Variants in CNTN2 observed in about 807,000 individuals in gnomAD.
CNTN2 encodes the protein contactin 2.
In CNTN2, 53 loss-of-function variants were observed where a neutral mutation model predicts 117.5. The observed-to-expected ratio is 0.45, with a 90% CI of 0.36 to 0.57. The LOEUF is 0.57. CNTN2 is among the 20% of genes least tolerant of loss of function. The pLI is 0.00. For synonymous variants in CNTN2, 530 were observed against 561.7 expected (o/e 0.94, Z 0.80); for missense variants, 1,106 against 1,404.3 (o/e 0.79, Z 3.39).
Position 205,065,999 on chromosome 1 carries a change from C to A in CNTN2, c.1816+90C>A. The A allele has an allele frequency of 6.8e-7, 1 of 1,468,926 alleles. No homozygotes were observed. Among genetic ancestry groups the A allele is most frequent in the Non-Finnish European group, 9.1e-7 (1 of 1,096,264 alleles). 91.0% of individuals were successfully genotyped at this position (1,468,926 alleles called of 1,614,324 possible). On this transcript the variant is annotated intron_variant, in intron 14 of 22. Coordinates refer to ENST00000331830, the MANE Select transcript of CNTN2 (RefSeq NM_005076.5). This position sits in a 1 kb window ranked among gnomAD's most constrained non-coding sequence, Gnocchi z 4.1. ...CTGCTCGCCTCATCTCCCCTCCCTT[C>A]CCTCAAAGCTGCGGGGAAGGGCTTC...
intron 1 of CNTN2, among the ~76,000 whole-genome samples, chr1:205,045,870 G>T (rs1428745305): frequency 6.6e-6 from 1 of 152,180 alleles, no homozygotes; most frequent in Non-Finnish European, 1.5e-5. Flanking sequence ...TCTGGTCCAA[G>T]GTTAGAGAGT....
In CNTN2 at chr1:205,073,552, T is replaced by G; in HGVS notation, c.3014-104T>G. On this transcript the variant is annotated intron_variant, in intron 22 of 22. Transcript: ENST00000331830. The surrounding 1 kb of genome is among the most constrained non-coding windows in gnomAD (Gnocchi z 6.3). ...CCACCCAGCCGTCCGCTCCCAGGCC[T>G]GCAGCTGGCCCTGTGAGTCTCCTTA... The G allele has an allele frequency of 9.6e-7, 1 of 1,043,358 alleles. No individual in the cohort carries two copies. 64.6% of individuals were successfully genotyped at this position (1,043,358 alleles called of 1,614,324 possible). A position where few individuals can be genotyped will look rare whatever the true frequency, so the allele number is the denominator to read the frequency against.
chr1:205,072,468 C>T lies in CNTN2; in HGVS notation c.2732-15C>T. 1 of 1,609,212 alleles carries T rather than the reference C, an allele frequency of 6.2e-7. No homozygotes were observed. Among genetic ancestry groups the T allele is most frequent in the Non-Finnish European group, 8.5e-7 (1 of 1,175,720 alleles). On this transcript the variant is annotated splice_polypyrimidine_tract_variant and intron_variant, in intron 20 of 22. Transcript: ENST00000331830. ...GAAACGTTTGGACATCTCTCCAATT[C>T]TTCCTCTCTGGCAGCTCCGCGGCGA...
rs1171708749 is a variant in CNTN2 at position 205,059,913 on chromosome 1, G to A, written c.797+231G>A. On this transcript the variant is annotated intron_variant, in intron 7 of 22. Coordinates refer to ENST00000331830, the MANE Select transcript of CNTN2 (RefSeq NM_005076.5). This position sits in a 1 kb window ranked among gnomAD's most constrained non-coding sequence, Gnocchi z 5.6. ...GCCAGGATCACTTGGTCTTCCAGCAGTGCATGGCAGGCTCAGACAGCTTGA... is the reference window on the plus strand; with the variant it reads ...GCCAGGATCACTTGGTCTTCCAGCAATGCATGGCAGGCTCAGACAGCTTGA... 1 of 550,826 alleles carries A rather than the reference G, an allele frequency of 1.8e-6. No individual in the cohort carries two copies. The highest frequency in any genetic ancestry group is 3.3e-6 in the Non-Finnish European group (1 of 305,092). The allele number at this position is 550,826 out of a possible 1,614,324, so 34.1% of individuals were successfully genotyped here. A position where few individuals can be genotyped will look rare whatever the true frequency, so the allele number is the denominator to read the frequency against.
Position 205,069,876 on chromosome 1 carries a change from C to A in CNTN2, c.2246C>A (p.Ser749Tyr). The change falls in exon 18 of 23, where the codon TCC becomes TAC. Residue 749 changes from serine to tyrosine, a missense_variant. By Grantham distance (144) the Ser-to-Tyr change is moderately radical. Transcript: ENST00000331830. ...GGAGACGGCTTCGGCTACCTGCTGT[C>A]CTTCCGCAGGCAGGGCAGCACTCAC... Reference protein sequence around the residue: ...QNGDGFGYLLSFRRQGSTHWQ... With the variant: ...QNGDGFGYLLYFRRQGSTHWQ... 6.2e-7 allele frequency: 1 copy of A among 1,613,860 alleles called. No homozygotes were observed. Among genetic ancestry groups the A allele is most frequent in the Admixed American group, 1.7e-5 (1 of 60,034 alleles).
intron 19 of CNTN2, among the ~76,000 whole-genome samples, chr1:205,071,434 T>C (rs753558299): frequency 2.5e-4 from 38 of 152,230 alleles, no homozygotes; most frequent in Non-Finnish European, 4.8e-4. Flanking sequence ...TTGAGTACAA[T>C]AGCTTAGGCA....
At chr1:205,049,772 C>T (rs539630976) in intron 1 of CNTN2, among the ~76,000 whole-genome samples, 15 of 152,348 alleles carry the variant, frequency 9.8e-5, no homozygotes, top group South Asian at 8.3e-4. Context: ...CCAGTGCCAA[C>T]GGGGTGATTT....
chr1:205,053,210 C>T lies in CNTN2; in HGVS notation c.25C>T (p.Pro9Ser), dbSNP rs748178567. MGTATRRK[P>S]HLLLVAAVAL... is the part of the protein sequence containing the mutation. The stretch of plus-strand genomic sequence containing the variant: ...CATGGGGACAGCCACCAGGAGGAAG[C>T]CACACCTGCTGCTGGTAGCTGCTGT... The change falls in exon 2 of 23, where the codon CCA (proline) becomes TCA (serine). Residue 9 changes from proline to serine, a missense_variant. By Grantham distance (74) the Pro-to-Ser change is moderately conservative. Transcript: ENST00000331830. 2 of 1,612,880 alleles carry T rather than the reference C, an allele frequency of 1.2e-6. No individual in the cohort carries two copies. The highest frequency in any genetic ancestry group is 1.3e-5 in the African/African-American group (1 of 74,922).
chr1:205,049,989 G>C (rs151171030), intron 1 of CNTN2, among the ~76,000 whole-genome samples: 76 of 151,488 alleles, frequency 5.0e-4, no homozygotes, highest in African/African-American at 1.7e-3. Context: ...CCACTGCAGG[G>C]CACTCTAGCA....
intron 2 of CNTN2, among the ~76,000 whole-genome samples, chr1:205,054,060 G>A (rs139679056): frequency 6.6e-6 from 1 of 152,320 alleles, no homozygotes; most frequent in East Asian, 1.9e-4. Context: ...CCTAGGGCAA[G>A]AGGGAGGTCC....
intron 1 of CNTN2, among the ~76,000 whole-genome samples, chr1:205,045,674 A>G (rs3753849): frequency 0.06 from 9,065 of 152,214 alleles, 382 homozygotes; most frequent in South Asian, 0.17. Flanking sequence ...CTAGGGCAGA[A>G]CCAGGGGGTT....
At position 205,069,653 on chromosome 1, in the gene CNTN2, C is replaced by T. The variant is rs1654482517; in HGVS notation, c.2196+92C>T. On this transcript the variant is annotated intron_variant, in intron 17 of 22. Coordinates refer to ENST00000331830, the MANE Select transcript of CNTN2 (RefSeq NM_005076.5). ...AAAGGACCACTGCACAGCTCTGACT[C>T]AAACGCGGATAACTTCCTGTCCCCC... 1.5e-5 allele frequency: 22 copies of T among 1,472,470 alleles called. No homozygotes were observed. The South Asian group carries it at 2.4e-4, about 16-fold the overall frequency. 91.2% of individuals were successfully genotyped at this position (1,472,470 alleles called of 1,614,324 possible). A position where few individuals can be genotyped will look rare whatever the true frequency, so the allele number is the denominator to read the frequency against.
At chr1:205,064,126 A>AGGGGGGGGTGGGGGGGGGGGG (rs11329962) in intron 10 of CNTN2, among the ~76,000 whole-genome samples, 196 bp from the exon 11 acceptor site, 8 of 94,366 alleles carry the variant, frequency 8.5e-5, no homozygotes, top group South Asian at 3.1e-4. Context: ...TGAGGGGCGG[A>AGGGGGGGGTGGGGGGGGGGGG]GGGGGGGCGC....
At chr1:205,057,868 A>C (rs1574640572) in intron 2 of CNTN2, 53 bp from the exon 3 acceptor site, 1 of 1,584,620 alleles carries the variant, frequency 6.3e-7, no homozygotes, top group East Asian at 2.2e-5. Flanking sequence ...CCAAGAGGCC[A>C]GGCTCCAGCC....
chr1:205,067,178 G>A lies in CNTN2; in HGVS notation c.2053G>A (p.Val685Ile). Reference protein sequence around the residue: ...LTPWMDYEFRVIASNILGTGE... With the variant: ...LTPWMDYEFRIIASNILGTGE... ...CCCCTGGATGGACTATGAGTTCCGGGTCATAGCCAGCAACATTCTGGGCAC... is the reference window on the plus strand; with the variant it reads ...CCCCTGGATGGACTATGAGTTCCGGATCATAGCCAGCAACATTCTGGGCAC... The change falls in exon 16 of 23, where the codon GTC becomes ATC. Residue 685 changes from valine to isoleucine, a missense_variant. Val to Ile is a conservative substitution (Grantham distance 29). Coordinates refer to ENST00000331830, the MANE Select transcript of CNTN2 (RefSeq NM_005076.5). The A allele has an allele frequency of 6.2e-7, 1 of 1,614,134 alleles. No individual in the cohort carries two copies. Among genetic ancestry groups the A allele is most frequent in the Non-Finnish European group, 8.5e-7 (1 of 1,180,002 alleles).
intron 18 of CNTN2, 133 bp from the exon 19 acceptor site, chr1:205,070,293 G>A (rs1654525586): frequency 2.8e-6 from 2 of 718,740 alleles, no homozygotes; most frequent in Non-Finnish European, 4.6e-6. Context: ...GCATTGCTTG[G>A]GGGGCTCCCA....
rs756116629 is a variant in CNTN2, at chr1:205,065,839, G to A, written c.1746G>A (p.Gly582=). 1.9e-6 allele frequency: 3 copies of A among 1,602,850 alleles called. No individual in the cohort carries two copies. Among genetic ancestry groups the A allele is most frequent in the Non-Finnish European group, 2.6e-6 (3 of 1,172,446 alleles). Reference sequence around the variant, plus strand: ...TCCTGAACGCCCAGCTGCGCCATGGGGGGAAGTACACGTGCATGGCCCAGA... The same window carrying A: ...TCCTGAACGCCCAGCTGCGCCATGGAGGGAAGTACACGTGCATGGCCCAGA... ...LTILNAQLRH[G]GKYTCMAQTV... Residue 582 remains glycine, a synonymous_variant, in exon 14 of 23, where the codon GGG becomes GGA. Coordinates refer to ENST00000331830, the MANE Select transcript of CNTN2 (RefSeq NM_005076.5). The surrounding 1 kb of genome is among the most constrained non-coding windows in gnomAD (Gnocchi z 4.1).
intron 16 of CNTN2, chr1:205,067,487 T>G: frequency 2.4e-6 from 1 of 420,960 alleles, no homozygotes; most frequent in Non-Finnish European, 4.2e-6. Context: ...TGCATGTGCA[T>G]CTATAATTTT....
Position 205,071,990 on chromosome 1 carries a change from G to T in CNTN2, c.2588G>T (p.Arg863Leu). 1.2e-6 allele frequency: 2 copies of T among 1,613,966 alleles called. No individual in the cohort carries two copies. Among genetic ancestry groups the T allele is most frequent in the Non-Finnish European group, 1.7e-6 (2 of 1,179,968 alleles). The change falls in exon 20 of 23, where the codon CGA becomes CTA. Residue 863 changes from arginine (R) to leucine (L), a missense_variant. Transcript: ENST00000331830. ...GGGGACAAAGAAGCAGCTGCGGACC[G>T]AGTGAGGACAGCAGGGCTGGACACC... is the stretch of plus-strand genomic sequence containing the variant. ...KAGDKEAAADRVRTAGLDTSA... is the reference protein window; with the variant it reads ...KAGDKEAAADLVRTAGLDTSA...
Sources: allele counts gnomAD v4.1 joint callset (sites outside exome capture counted in the v4.1 genomes callset), GRCh38; gene constraint gnomAD v4.1.1; non-coding constraint Gnocchi (gnomAD v3.1); transcripts MANE v1.5; gene names NCBI Gene and HGNC (gene_info 2026-07-23, HGNC 2026-07-21).